The following PDE4B variants were observed in gnomAD, a reference collection of about 807,000 sequenced individuals.
The protein encoded by PDE4B is 3',5'-cyclic-AMP phosphodiesterase 4B.
In PDE4B, 20 loss-of-function variants were observed where a neutral mutation model predicts 82.2. The ratio of observed to expected loss-of-function variants is 0.24; its 90% CI spans 0.17 to 0.35. The LOEUF is 0.35. Among genes scored for constraint, PDE4B ranks in the 10% least tolerant of loss-of-function variants. The pLI is 1.00. For missense variants in PDE4B, 655 were observed against 907.2 expected (o/e 0.72, Z 3.57); for synonymous variants, 320 against 318.9 (o/e 1.00, Z -0.04).
intron 1 of PDE4B, among the ~76,000 whole-genome samples, chr1:65,854,262 A>G (rs924589963): frequency 2.0e-5 from 3 of 151,636 alleles, no homozygotes; most frequent in Non-Finnish European, 4.4e-5. Context: ...TGCTTTAAAT[A>G]GTAAATTTTG....
intron 1 of PDE4B, among the ~76,000 whole-genome samples, chr1:65,844,719 C>T (rs1646249204): frequency 6.6e-6 from 1 of 152,060 alleles, no homozygotes; most frequent in Admixed American, 6.6e-5. Context: ...ATTACTTGAA[C>T]AGCAACTAAA....
intron 3 of PDE4B, among the ~76,000 whole-genome samples, chr1:66,048,669 A>G (rs953662151): frequency 2.0e-5 from 3 of 151,964 alleles, no homozygotes; most frequent in Non-Finnish European, 1.5e-5. Context: ...TCAAGGGCAC[A>G]TAGTCAAGGA....
intron 3 of PDE4B, among the ~76,000 whole-genome samples, chr1:65,956,075 T>C (rs991433162): frequency 6.6e-6 from 1 of 152,154 alleles, no homozygotes; most frequent in Admixed American, 6.6e-5. Context: ...TCCACAGTTT[T>C]CTTCAGCAAT....
At chr1:66,062,126 A>AT (rs979652723) in intron 3 of PDE4B, among the ~76,000 whole-genome samples, 10 of 152,098 alleles carry the variant, frequency 6.6e-5, no homozygotes, top group African/African-American at 2.4e-4. Flanking sequence ...GCATTTAAAC[A>AT]TTGCTGATAT....
At chr1:65,830,444 C>G (rs768751116) in intron 1 of PDE4B, among the ~76,000 whole-genome samples, 1 of 152,104 alleles carries the variant, frequency 6.6e-6, no homozygotes, top group Non-Finnish European at 1.5e-5. Context: ...CTCATAAACA[C>G]TGACTTGCCT....
chr1:66,041,261 T>C (rs1654354236), intron 3 of PDE4B, among the ~76,000 whole-genome samples: 1 of 151,990 alleles, frequency 6.6e-6, no homozygotes, highest in South Asian at 2.1e-4. Context: ...CATAGTTGGC[T>C]TCTATTGATT....
intron 3 of PDE4B, among the ~76,000 whole-genome samples, chr1:66,088,098 T>C (rs1644933519): frequency 6.6e-6 from 1 of 151,906 alleles, no homozygotes. Flanking sequence ...TGAGCTGAGG[T>C]TGTTGGGTTG....
intron 1 of PDE4B, among the ~76,000 whole-genome samples, chr1:65,839,445 G>A (rs1646182168): frequency 6.6e-6 from 1 of 151,926 alleles, no homozygotes; most frequent in Non-Finnish European, 1.5e-5. Context: ...ACAGGCCCCT[G>A]TGTGTGATGT....
chr1:65,860,811 T>C (rs1043069815), intron 1 of PDE4B, among the ~76,000 whole-genome samples: 26 of 152,342 alleles, frequency 1.7e-4, no homozygotes, highest in Admixed American at 1.4e-3. Flanking sequence ...AGATAAGCTC[T>C]TTTTCATATG....
At chr1:65,916,690 TA>T (rs1647163731) in intron 2 of PDE4B, among the ~76,000 whole-genome samples, 1 of 152,124 alleles carries the variant, frequency 6.6e-6, no homozygotes, top group Non-Finnish European at 1.5e-5. Context: ...GTAAGTCTTT[TA>T]AAAAATAAAC....
intron 3 of PDE4B, among the ~76,000 whole-genome samples, chr1:65,995,003 G>A (rs531534930): frequency 6.6e-6 from 1 of 152,104 alleles, no homozygotes; most frequent in East Asian, 1.9e-4. Flanking sequence ...CAATTAAATG[G>A]TATCTGAAGT....
chr1:66,034,760 A>G (rs771375698), intron 3 of PDE4B, among the ~76,000 whole-genome samples: 1 of 152,272 alleles, frequency 6.6e-6, no homozygotes, highest in East Asian at 1.9e-4. Context: ...GGAAGTGACC[A>G]TATGTTCTTT....
At chr1:66,311,215 G>T (rs1658646517) in intron 7 of PDE4B, among the ~76,000 whole-genome samples, 1 of 152,182 alleles carries the variant, frequency 6.6e-6, no homozygotes, top group African/African-American at 2.4e-5. Context: ...CCATCTACTG[G>T]CTGTGGAGTT....
At chr1:65,839,782 T>C (rs1646185987) in intron 1 of PDE4B, among the ~76,000 whole-genome samples, 1 of 152,208 alleles carries the variant, frequency 6.6e-6, no homozygotes. Context: ...TTTGGGTATA[T>C]ACCCAGTAAT....
At chr1:66,008,116 A>T (rs1455868099) in intron 3 of PDE4B, among the ~76,000 whole-genome samples, 2 of 152,154 alleles carry the variant, frequency 1.3e-5, no homozygotes, top group Admixed American at 1.3e-4. Context: ...ATTTGCTCTT[A>T]CACATAATGG....
chr1:66,028,016 A>C (rs950295871), intron 3 of PDE4B, among the ~76,000 whole-genome samples: 1 of 152,154 alleles, frequency 6.6e-6, no homozygotes, highest in Non-Finnish European at 1.5e-5. Context: ...GCTCCACTAG[A>C]CAGTGCCCCA....
At chr1:66,081,772 A>T (rs1030085907) in intron 3 of PDE4B, among the ~76,000 whole-genome samples, 1 of 150,368 alleles carries the variant, frequency 6.7e-6, no homozygotes, top group East Asian at 2.0e-4. Flanking sequence ...TCTTTTCTTT[A>T]CTATAAAACA....
chr1:65,987,253 C>T (rs1291018055), intron 3 of PDE4B, among the ~76,000 whole-genome samples: 1 of 152,138 alleles, frequency 6.6e-6, no homozygotes, highest in Non-Finnish European at 1.5e-5. Context: ...ATTCAGGTGA[C>T]TCTATCAGGT....
chr1:66,265,924 A>G, intron 6 of PDE4B, 114 bp from the exon 7 acceptor site: 4 of 769,266 alleles, frequency 5.2e-6, no homozygotes, highest in Non-Finnish European at 9.4e-6. Flanking sequence ...TTATGTCACT[A>G]CATAGTTCAT....
Sources: allele counts gnomAD v4.1 joint callset (sites outside exome capture counted in the v4.1 genomes callset), GRCh38; gene constraint gnomAD v4.1.1; transcripts MANE v1.5; gene names NCBI Gene and HGNC (gene_info 2026-07-23, HGNC 2026-07-21).